Variants in RHOBTB1 observed in about 807,000 individuals in gnomAD.
The protein encoded by RHOBTB1 is Rho related BTB domain containing 1.
In RHOBTB1, 40 loss-of-function variants were observed where a neutral mutation model predicts 71.6. The observed-to-expected ratio is 0.56, with a 90% CI of 0.43 to 0.73. RHOBTB1 has a LOEUF of 0.73. Ranked by LOEUF, RHOBTB1 falls within the 30% of genes least tolerant of loss-of-function variation. The probability of loss-of-function intolerance (pLI) is 0.00; values close to 1 mark genes in which losing one functional copy is unlikely to be tolerated. For synonymous variants in RHOBTB1, 319 were observed against 334.9 expected (o/e 0.95, Z 0.52); for missense variants, 797 against 894.0 (o/e 0.89, Z 1.38).
intron 4 of RHOBTB1, among the ~76,000 whole-genome samples, chr10:60,905,208 T>C (rs2082605565): frequency 6.6e-6 from 1 of 151,318 alleles, no homozygotes; most frequent in South Asian, 2.1e-4. Flanking sequence ...CCCAGCACTT[T>C]GGGAAGCCAA....
At chr10:60,917,709 A>C (rs981508015) in intron 2 of RHOBTB1, among the ~76,000 whole-genome samples, 1 of 152,184 alleles carries the variant, frequency 6.6e-6, no homozygotes, top group Admixed American at 6.5e-5. Context: ...ATTGGGGGTT[A>C]GGGCTTCAAC....
At chr10:60,955,052 T>C (rs1365293525) in intron 2 of RHOBTB1, among the ~76,000 whole-genome samples, 1 of 148,366 alleles carries the variant, frequency 6.7e-6, no homozygotes, top group Non-Finnish European at 1.5e-5. Flanking sequence ...TCTTTTTTTT[T>C]TTTTTTTTTT....
At chr10:60,883,401 C>T (rs908875194) in intron 7 of RHOBTB1, among the ~76,000 whole-genome samples, 11 of 152,282 alleles carry the variant, frequency 7.2e-5, no homozygotes, top group South Asian at 2.1e-4. Flanking sequence ...AATCTGGAGA[C>T]GATTACAGTC....
chr10:60,878,146 G>T, intron 7 of RHOBTB1, 88 bp from the exon 8 acceptor site: 1 of 1,050,866 alleles, frequency 9.5e-7, no homozygotes, highest in East Asian at 2.4e-5. Flanking sequence ...AATATCCTGT[G>T]TGACTTGATA....
At chr10:60,863,636 G>A in the RHOBTB1 span, among the ~76,000 whole-genome samples, 1 of 152,050 alleles carries the variant, frequency 6.6e-6, no homozygotes, top group Admixed American at 6.6e-5. Flanking sequence ...AGGTTCAAGT[G>A]ATTCTCGTGC....
chr10:60,986,997 T>C (rs1037252268), intron 1 of RHOBTB1, among the ~76,000 whole-genome samples: 4 of 152,224 alleles, frequency 2.6e-5, no homozygotes, highest in Middle Eastern at 3.4e-3. Flanking sequence ...TGCTCATTAA[T>C]GAGTAAGGGC....
Position 60,997,064 on chromosome 10 carries a change from TACACACACACAC to T in RHOBTB1, c.-163+4323_-163+4334del, listed in dbSNP as rs3049452. ...GTCTAGTAGCCACAGCATGGTTATG[TACACACACACAC>T]ACACACACACACACACACACACACA... On this transcript the variant is annotated intron_variant, in intron 1 of 11. Coordinates refer to the RHOBTB1 transcript ENST00000357917. 1.7e-4 allele frequency among the ~76,000 whole-genome samples: 24 copies of T among 144,944 alleles called. No individual in the cohort carries two copies. The South Asian group carries it at 2.5e-3, about 15-fold the overall frequency.
intron 2 of RHOBTB1, among the ~76,000 whole-genome samples, chr10:60,937,078 G>C (rs1174597680): frequency 6.6e-6 from 1 of 152,170 alleles, no homozygotes; most frequent in Non-Finnish European, 1.5e-5. Context: ...ACAGGTACAA[G>C]TATTTAAAAA....
chr10:60,878,654 C>A (rs1034513210), intron 7 of RHOBTB1, among the ~76,000 whole-genome samples: 1 of 152,246 alleles, frequency 6.6e-6, no homozygotes, highest in African/African-American at 2.4e-5. Context: ...TCAGTAGATT[C>A]GGAGAATCCA....
intron 4 of RHOBTB1, among the ~76,000 whole-genome samples, chr10:60,897,907 T>A (rs1299469534): frequency 1.3e-5 from 2 of 152,096 alleles, no homozygotes; most frequent in African/African-American, 2.4e-5. Context: ...GGTTTCACCA[T>A]GTTGGCCAGG....
intron 1 of RHOBTB1, among the ~76,000 whole-genome samples, chr10:60,988,032 C>T (rs1190385762): frequency 1.4e-5 from 2 of 144,748 alleles, no homozygotes; most frequent in Non-Finnish European, 3.0e-5. Flanking sequence ...CTCCTGGGTA[C>T]GCCATTCTCC....
the RHOBTB1 span, among the ~76,000 whole-genome samples, chr10:60,864,142 C>G: frequency 1.3e-5 from 2 of 152,152 alleles, no homozygotes; most frequent in African/African-American, 4.8e-5. Flanking sequence ...CCTTTCCAGT[C>G]GCCCCCTTCC....
chr10:60,925,541 A>G (rs1048277155), intron 2 of RHOBTB1, among the ~76,000 whole-genome samples: 5 of 152,254 alleles, frequency 3.3e-5, no homozygotes, highest in South Asian at 4.1e-4. Context: ...AGCAAGAGCA[A>G]ACTAAACCCA....
At chr10:60,974,175 A>C (rs1200934581) in intron 2 of RHOBTB1, among the ~76,000 whole-genome samples, 3 of 152,062 alleles carry the variant, frequency 2.0e-5, no homozygotes, top group Admixed American at 2.0e-4. Flanking sequence ...CCCTCTTTCC[A>C]GCAGTTTCAA....
chr10:60,939,293 C>A (rs76141848), intron 2 of RHOBTB1, among the ~76,000 whole-genome samples: 1 of 152,078 alleles, frequency 6.6e-6, no homozygotes, highest in Non-Finnish European at 1.5e-5. Flanking sequence ...TCATTTTTGG[C>A]GTCTTTTTGC....
chr10:60,889,077 C>T lies in RHOBTB1; in HGVS notation c.591G>A (p.Lys197=), dbSNP rs1275075551. Residue 197 remains lysine (K), a synonymous_variant, in exon 6 of 11, where the codon AAG becomes AAA. Transcript: ENST00000337910. ...ETSVFDQFGI[K]DVFDNAIRAA... ...CTCGGATTGCATTGTCAAACACATC[C>T]TTGATACCAAACTGGTCAAACACGC... 1.3e-5 allele frequency: 21 copies of T among 1,614,168 alleles called. No individual in the cohort carries two copies. The highest frequency in any genetic ancestry group is 8.3e-5 in the Admixed American group (5 of 60,028).
chr10:60,994,528 C>G (rs1337864006), intron 1 of RHOBTB1, among the ~76,000 whole-genome samples: 1 of 152,106 alleles, frequency 6.6e-6, no homozygotes, highest in Non-Finnish European at 1.5e-5. Context: ...TCCAAGTTCA[C>G]ATTTTCCATA....
intron 1 of RHOBTB1, among the ~76,000 whole-genome samples, chr10:60,993,059 A>G (rs1223300952): frequency 6.6e-6 from 1 of 152,148 alleles, no homozygotes; most frequent in Non-Finnish European, 1.5e-5. Context: ...GGCTTCGGGC[A>G]TTTTATTAAA....
chr10:60,976,123 A>G (rs1007959398), intron 2 of RHOBTB1, among the ~76,000 whole-genome samples: 3 of 152,034 alleles, frequency 2.0e-5, no homozygotes, highest in Admixed American at 2.0e-4. Context: ...AATAAATGCC[A>G]TCGAAAAAGT....
Sources: allele counts gnomAD v4.1 joint callset (sites outside exome capture counted in the v4.1 genomes callset), GRCh38; gene constraint gnomAD v4.1.1; transcripts MANE v1.5; gene names NCBI Gene and HGNC (gene_info 2026-07-23, HGNC 2026-07-21).